USP37: variants seen among roughly 807,000 people sequenced by gnomAD.
USP37 encodes the protein ubiquitin carboxyl-terminal hydrolase 37.
USP37 carries 27 observed loss-of-function variants against 124.0 expected under a neutral mutation model. That is an observed-to-expected ratio of 0.22 (90% CI 0.16 to 0.30). The LOEUF is 0.30. Ranked by LOEUF, USP37 falls within the 10% of genes least tolerant of loss-of-function variation. The probability of loss-of-function intolerance (pLI) is 1.00; values close to 1 mark genes in which losing one functional copy is unlikely to be tolerated. For missense variants in USP37, 889 were observed against 1,140.4 expected (o/e 0.78, Z 3.17); for synonymous variants, 365 against 388.0 (o/e 0.94, Z 0.70).
rs1045458747 is a variant in USP37, at chr2:218,562,719, T to C, written c.-135A>G. On this transcript the variant is annotated 5_prime_UTR_variant, in exon 2 of 26. Coordinates refer to ENST00000258399, the MANE Select transcript of USP37 (RefSeq NM_020935.3). ...AAACCCTATGTAATAGCAATTCACC[T>C]TTATTCTGATCCTTGTGCCAAAGGC... 2 of 398,498 alleles carry C rather than the reference T, an allele frequency of 5.0e-6. No homozygotes were observed. Among genetic ancestry groups the C allele is most frequent in the Non-Finnish European group, 8.8e-6 (2 of 226,066 alleles). The allele number at this position is 398,498 out of a possible 1,614,324, so 24.7% of individuals were successfully genotyped here.
intron 10 of USP37, chr2:218,514,351 C>T (rs1690160964): frequency 6.6e-6 from 1 of 152,104 alleles, no homozygotes; most frequent in Non-Finnish European, 1.5e-5. Flanking sequence ...TTTCTTTACT[C>T]GTACAATCCT....
At chr2:218,531,108 C>T (rs999753608) in intron 9 of USP37, among the ~76,000 whole-genome samples, 2 of 152,188 alleles carry the variant, frequency 1.3e-5, no homozygotes, top group African/African-American at 4.8e-5. Flanking sequence ...AACAGGTCTT[C>T]GATGTAGCTG....
chr2:218,497,260 A>G (rs998824520), intron 13 of USP37, among the ~76,000 whole-genome samples: 7 of 151,472 alleles, frequency 4.6e-5, no homozygotes, highest in Non-Finnish European at 7.4e-5. Flanking sequence ...TTTAGTAGAG[A>G]CAGGGTTTCA....
At chr2:218,537,925 CA>C in intron 8 of USP37, among the ~76,000 whole-genome samples, 2 of 152,292 alleles carry the variant, frequency 1.3e-5, no homozygotes, top group African/African-American at 4.8e-5. Context: ...GACTGATGGT[CA>C]TCAAGGGACT....
At chr2:218,552,729 G>C (rs1692734108) in intron 5 of USP37, among the ~76,000 whole-genome samples, 1 of 152,134 alleles carries the variant, frequency 6.6e-6, no homozygotes. Flanking sequence ...TTTTTTTACA[G>C]GACTCATTTT....
rs186152298 is a variant in USP37, at chr2:218,507,035, T to G, written c.1025+2944A>C. On this transcript the variant is annotated intron_variant, in intron 11 of 25. Coordinates refer to ENST00000258399, the MANE Select transcript of USP37 (RefSeq NM_020935.3). ...TTGGTTTTGAACTCCTGACCTCAAGTGATCCACCTGCCTTGGCCTCCCAAA... is the reference window on the plus strand; with the variant it reads ...TTGGTTTTGAACTCCTGACCTCAAGGGATCCACCTGCCTTGGCCTCCCAAA... Among the ~76,000 whole-genome samples, 489 of 152,170 alleles carry G rather than the reference T, an allele frequency of 3.2e-3. 1 individual carries two copies. Among genetic ancestry groups the G allele is most frequent in the African/African-American group, 0.011 (470 of 41,526 alleles).
At chr2:218,522,739 T>G (rs1486065346) in intron 10 of USP37, among the ~76,000 whole-genome samples, 1 of 150,126 alleles carries the variant, frequency 6.7e-6, no homozygotes, top group Non-Finnish European at 1.5e-5. Flanking sequence ...AGTAATCCTT[T>G]TCTTCATAAA....
rs1208168149 is a variant in USP37, at chr2:218,467,880, ATGTTTTTTT to A, written c.2300-1713_2300-1705del. 1.4e-4 allele frequency among the ~76,000 whole-genome samples: 21 copies of A among 149,372 alleles called. No homozygotes were observed. In the South Asian group the frequency reaches 3.3e-3, roughly 24 times the overall value. ...TGAATTGTTAGAGCAATAACATTTCATGTTTTTTTTGTTTTTTTTTTTTTTAAGACTGAG... is the reference window on the plus strand; with the variant it reads ...TGAATTGTTAGAGCAATAACATTTCATGTTTTTTTTTTTTTTAAGACTGAG... On this transcript the variant is annotated intron_variant, in intron 20 of 25. Transcript: ENST00000258399.
At chr2:218,523,571 G>T (rs502196) in intron 10 of USP37, among the ~76,000 whole-genome samples, 2 of 141,210 alleles carry the variant, frequency 1.4e-5, no homozygotes, top group African/African-American at 5.1e-5. Context: ...GTTTTTTGGC[G>T]GGGGGGTCTT....
intron 8 of USP37, among the ~76,000 whole-genome samples, chr2:218,542,436 G>A (rs1391087233): frequency 6.6e-6 from 1 of 152,150 alleles, no homozygotes; most frequent in African/African-American, 2.4e-5. Context: ...CTGATGTGCA[G>A]AAACAAGAAT....
chr2:218,525,753 C>T (rs1218838532), intron 10 of USP37, among the ~76,000 whole-genome samples: 1 of 152,074 alleles, frequency 6.6e-6, no homozygotes, highest in Non-Finnish European at 1.5e-5. Flanking sequence ...TAGGTAAACT[C>T]GTGGCATGGG....
chr2:218,512,189 C>A (rs1012428742), intron 10 of USP37, among the ~76,000 whole-genome samples: 5 of 152,064 alleles, frequency 3.3e-5, no homozygotes, highest in African/African-American at 1.2e-4. Flanking sequence ...GCCTGGTCAA[C>A]ATATCAAGAC....
chr2:218,505,410 C>T (rs1471321787), intron 11 of USP37, among the ~76,000 whole-genome samples: 4 of 152,106 alleles, frequency 2.6e-5, no homozygotes, highest in Admixed American at 1.3e-4. Context: ...TCATCATTTA[C>T]GTTTTTGTCA....
intron 11 of USP37, chr2:218,500,778 T>C (rs1224262015): frequency 6.6e-6 from 1 of 151,964 alleles, no homozygotes; most frequent in Non-Finnish European, 1.5e-5. Context: ...AGTGATACCA[T>C]GTCATGCCTT....
chr2:218,538,371 G>T (rs1357427444), intron 8 of USP37, among the ~76,000 whole-genome samples: 6 of 152,178 alleles, frequency 3.9e-5, no homozygotes, highest in African/African-American at 1.4e-4. Flanking sequence ...AAGCCTGGAA[G>T]ATTGGAAAGA....
chr2:218,481,664 ATTTCT>A lies in USP37; in HGVS notation c.1835+401_1835+405del, dbSNP rs749073946. Among the ~76,000 whole-genome samples, 1,293 of 148,486 alleles carry A rather than the reference ATTTCT, an allele frequency of 8.7e-3. 10 individuals carry two copies. The highest frequency in any genetic ancestry group is 0.052 in the Middle Eastern group (15 of 286). On this transcript the variant is annotated intron_variant, in intron 17 of 25. Coordinates refer to ENST00000258399, the MANE Select transcript of USP37 (RefSeq NM_020935.3). The stretch of plus-strand genomic sequence containing the variant: ...AAATTAAAATCTCCTTCTTGGTCTG[ATTTCT>A]TTTCTTTTCTTTTCTTTTTTTTTTT...
At chr2:218,520,031 G>A (rs1288788901) in intron 10 of USP37, among the ~76,000 whole-genome samples, 1 of 151,860 alleles carries the variant, frequency 6.6e-6, no homozygotes, top group Non-Finnish European at 1.5e-5. Context: ...TCTGCCTCCC[G>A]GGTTCAAGCA....
chr2:218,465,447 A>G (rs1349614294), intron 21 of USP37, among the ~76,000 whole-genome samples: 1 of 152,202 alleles, frequency 6.6e-6, no homozygotes, highest in Non-Finnish European at 1.5e-5. Context: ...TAAAAAGAAA[A>G]GAAAAAAATA....
chr2:218,566,871 T>C (rs777831747), intron 1 of USP37, among the ~76,000 whole-genome samples: 5 of 152,124 alleles, frequency 3.3e-5, no homozygotes, highest in Non-Finnish European at 4.4e-5. Flanking sequence ...CCCAAGTGTG[T>C]AGCCTGTGTC....
Sources: allele counts gnomAD v4.1 joint callset (sites outside exome capture counted in the v4.1 genomes callset), GRCh38; gene constraint gnomAD v4.1.1; transcripts MANE v1.5; gene names NCBI Gene and HGNC (gene_info 2026-07-23, HGNC 2026-07-21).